The following OR6N1 variants were observed in gnomAD, a reference collection of about 807,000 sequenced individuals.
The protein encoded by OR6N1 is olfactory receptor 6N1.
For synonymous variants in OR6N1, 170 were observed against 150.7 expected (o/e 1.13, Z -0.94); for missense variants, 394 against 371.7 (o/e 1.06, Z -0.49).
chr1:158,809,174 T>C, the OR6N1 span: 1 of 152,866 alleles, frequency 6.5e-6, no homozygotes, highest in South Asian at 2.1e-4. Context: ...GCGTGAACAG[T>C]CCAGAATCTA....
At chr1:158,808,810 G>A in the OR6N1 span, 1 of 152,422 alleles carries the variant, frequency 6.6e-6, no homozygotes, top group South Asian at 2.1e-4. Context: ...AGTCACAAAA[G>A]TAATGGGCCA....
At chr1:158,783,937 T>C in the OR6N1 span, among the ~76,000 whole-genome samples, 1 of 152,098 alleles carries the variant, frequency 6.6e-6, no homozygotes, top group African/African-American at 2.4e-5. Context: ...AAAACCGGTC[T>C]CTACTAAAAA....
chr1:158,835,733 C>G, the OR6N1 span, among the ~76,000 whole-genome samples: 356 of 151,922 alleles, frequency 2.3e-3, 1 homozygote, highest in Non-Finnish European at 3.9e-3. Context: ...CAGTCTCTTA[C>G]CATTGGGAAT....
At chr1:158,800,857 C>T in the OR6N1 span, among the ~76,000 whole-genome samples, 54 of 152,254 alleles carry the variant, frequency 3.5e-4, no homozygotes, top group African/African-American at 1.1e-3. Flanking sequence ...TAAGCTATGG[C>T]TATGTTATCC....
upstream of OR6N1, chr1:158,774,641 G>T (rs767893310): frequency 8.6e-5 from 13 of 151,892 alleles, no homozygotes; most frequent in Non-Finnish European, 1.6e-4. Context: ...TTATGTTTAC[G>T]CATAACCATA....
chr1:158,818,671 C>T, the OR6N1 span, among the ~76,000 whole-genome samples: 5 of 152,134 alleles, frequency 3.3e-5, no homozygotes, highest in East Asian at 3.8e-4. Context: ...ATATGCAATG[C>T]GCCTGGGAAT....
At chr1:158,824,713 G>A in the OR6N1 span, among the ~76,000 whole-genome samples, 3 of 152,080 alleles carry the variant, frequency 2.0e-5, no homozygotes, top group Admixed American at 6.5e-5. Flanking sequence ...ACAAGCAATG[G>A]GGAAAGGACC....
chr1:158,791,361 T>C, the OR6N1 span, among the ~76,000 whole-genome samples: 1 of 152,194 alleles, frequency 6.6e-6, no homozygotes, highest in Non-Finnish European at 1.5e-5. Context: ...TCAAAATTCA[T>C]TCAGGAGCAG....
the OR6N1 span, among the ~76,000 whole-genome samples, chr1:158,830,506 A>G: frequency 6.6e-6 from 1 of 152,178 alleles, no homozygotes; most frequent in Non-Finnish European, 1.5e-5. Context: ...CAGATCAGCT[A>G]GTTGGTAACC....
the OR6N1 span, among the ~76,000 whole-genome samples, chr1:158,778,173 T>C: frequency 6.6e-6 from 1 of 152,194 alleles, no homozygotes; most frequent in Non-Finnish European, 1.5e-5. Flanking sequence ...TAAACATTTA[T>C]TGAACAAATA....
the OR6N1 span, chr1:158,777,318 G>A: frequency 6.2e-7 from 1 of 1,614,154 alleles, no homozygotes; most frequent in Non-Finnish European, 8.5e-7. Flanking sequence ...ACGCTCCCAA[G>A]GAGTGGAAGA....
chr1:158,825,192 C>A, the OR6N1 span, among the ~76,000 whole-genome samples: 16 of 152,304 alleles, frequency 1.1e-4, no homozygotes, highest in African/African-American at 3.8e-4. Context: ...GTAATCCCAG[C>A]ACTTTGGGAG....
chr1:158,789,359 T>C, the OR6N1 span, among the ~76,000 whole-genome samples: 4 of 152,196 alleles, frequency 2.6e-5, no homozygotes, highest in Admixed American at 2.6e-4. Context: ...ATATACACAG[T>C]AGTGGGATTG....
At chr1:158,797,998 A>G in the OR6N1 span, among the ~76,000 whole-genome samples, 2 of 151,918 alleles carry the variant, frequency 1.3e-5, no homozygotes, top group East Asian at 1.9e-4. Context: ...CTAATTTATA[A>G]TTTTTTAGAA....
upstream of OR6N1, chr1:158,776,943 T>A (rs1173025716): frequency 6.2e-7 from 1 of 1,614,096 alleles, no homozygotes; most frequent in Admixed American, 1.7e-5. Flanking sequence ...TTCTTCCTGA[T>A]GCTGTTTTTA....
At chr1:158,807,187 T>A in the OR6N1 span, among the ~76,000 whole-genome samples, 6 of 152,124 alleles carry the variant, frequency 3.9e-5, no homozygotes, top group Admixed American at 3.9e-4. Flanking sequence ...TACTGCAAGT[T>A]CAATAATCTT....
chr1:158,766,237 C>A lies in OR6N1; in HGVS notation c.446G>T (p.Trp149Leu), dbSNP rs768792104. ...TLCAEIAIGC[W>L]LGGLAGPVVE... ...TACTGGCCCAGCCAAGCCTCCCAAC[C>A]AACAGCCAATGGCAATCTCTGCACA... Residue 149 changes from tryptophan to leucine, a missense_variant, in exon 2 of 2, where the codon TGG (tryptophan) becomes TTG (leucine). Coordinates refer to ENST00000641846, the MANE Select transcript of OR6N1 (RefSeq NM_001005185.2). 1.2e-6 allele frequency: 2 copies of A among 1,614,044 alleles called. No individual in the cohort carries two copies. Among genetic ancestry groups the A allele is most frequent in the East Asian group, 2.2e-5 (1 of 44,868 alleles).
the OR6N1 span, among the ~76,000 whole-genome samples, chr1:158,786,454 A>G: frequency 6.6e-6 from 1 of 152,226 alleles, no homozygotes; most frequent in Non-Finnish European, 1.5e-5. Context: ...TTAAAGAATT[A>G]AAAGTAGAAT....
chr1:158,796,808 C>G, the OR6N1 span, among the ~76,000 whole-genome samples: 1 of 151,342 alleles, frequency 6.6e-6, no homozygotes, highest in African/African-American at 2.4e-5. Flanking sequence ...ATTATTTATT[C>G]CAGTCTCCTT....
Sources: allele counts gnomAD v4.1 joint callset (sites outside exome capture counted in the v4.1 genomes callset), GRCh38; gene constraint gnomAD v4.1.1; transcripts MANE v1.5; gene names NCBI Gene and HGNC (gene_info 2026-07-23, HGNC 2026-07-21).